Variants in TYW1B observed in about 807,000 individuals in gnomAD.
TYW1B encodes S-adenosyl-L-methionine-dependent tRNA 4-demethylwyosine synthase TYW1B.
Under a neutral mutation model 86.9 loss-of-function variants are expected in TYW1B, and 73 were observed. The ratio of observed to expected loss-of-function variants is 0.84; its 90% CI spans 0.70 to 1.02. TYW1B has a LOEUF of 1.02. TYW1B is among the 50% of genes least tolerant of loss of function. The pLI is 0.00. For synonymous variants in TYW1B, 248 were observed against 292.8 expected (o/e 0.85, Z 1.56); for missense variants, 637 against 827.4 (o/e 0.77, Z 2.82).
At chr7:72,716,110 T>G (rs1302397930) in intron 9 of TYW1B, among the ~76,000 whole-genome samples, 5 of 152,156 alleles carry the variant, frequency 3.3e-5, no homozygotes, top group African/African-American at 1.2e-4. Flanking sequence ...GCTAATTTTT[T>G]GTATTTTTAG....
intron 12 of TYW1B, among the ~76,000 whole-genome samples, chr7:72,624,642 T>A (rs1554438476): frequency 6.6e-6 from 1 of 152,216 alleles, no homozygotes; most frequent in Non-Finnish European, 1.5e-5. Flanking sequence ...TGACCAGGCA[T>A]TTGACATTCA....
At position 72,777,439 on chromosome 7, in the gene TYW1B, A is replaced by T; in HGVS notation, c.941T>A (p.Leu314His). 2 of 1,614,052 alleles carry T rather than the reference A, an allele frequency of 1.2e-6. No individual in the cohort carries two copies. The highest frequency in any genetic ancestry group is 1.7e-6 in the Non-Finnish European group (2 of 1,179,950). The change falls in exon 7 of 14, where the codon CTC (leucine) becomes CAC (histidine). Residue 314 changes from leucine to histidine, a missense_variant. Coordinates refer to ENST00000620995, the MANE Select transcript of TYW1B (RefSeq NM_001145440.3). Reference protein sequence around the residue: ...GERRAMITPALREALTKQVDA... With the variant: ...GERRAMITPAHREALTKQVDA... ...ACCTTGTTTAGTAAGGGCTTCTCGG[A>T]GAGCAGGAGTTATCATAGCTCTTCT...
At chr7:72,655,374 T>C (rs1339659391) in intron 11 of TYW1B, among the ~76,000 whole-genome samples, 23 of 152,018 alleles carry the variant, frequency 1.5e-4, no homozygotes, top group Non-Finnish European at 2.5e-4. Flanking sequence ...TCACACTGGG[T>C]CCCACTCACA....
At chr7:72,757,085 C>G (rs1277543958) in intron 7 of TYW1B, among the ~76,000 whole-genome samples, 5 of 151,726 alleles carry the variant, frequency 3.3e-5, no homozygotes, top group African/African-American at 1.2e-4. Flanking sequence ...ATAACAATGT[C>G]GGCCAGGCAT....
At chr7:72,593,977 A>G (rs1811467628) in intron 13 of TYW1B, among the ~76,000 whole-genome samples, 1 of 151,990 alleles carries the variant, frequency 6.6e-6, no homozygotes, top group South Asian at 2.1e-4. Context: ...ACTAATGAAA[A>G]TGAAACCACC....
At chr7:72,666,068 C>T (rs1250153500) in intron 11 of TYW1B, among the ~76,000 whole-genome samples, 2 of 152,030 alleles carry the variant, frequency 1.3e-5, no homozygotes, top group African/African-American at 2.4e-5. Context: ...ATGATTATAA[C>T]TATGAACCCC....
At chr7:72,808,934 G>A (rs1292542104) in intron 4 of TYW1B, among the ~76,000 whole-genome samples, 1 of 151,940 alleles carries the variant, frequency 6.6e-6, no homozygotes, top group African/African-American at 2.4e-5. Context: ...CAATGCAAAT[G>A]ACCAAGAAAC....
intron 11 of TYW1B, among the ~76,000 whole-genome samples, chr7:72,671,345 G>A (rs1485038833): frequency 2.6e-5 from 4 of 152,134 alleles, no homozygotes; most frequent in African/African-American, 9.7e-5. Flanking sequence ...CCAATTCAAT[G>A]TGTGGTTGAA....
At chr7:72,665,691 A>G (rs1813445401) in intron 11 of TYW1B, among the ~76,000 whole-genome samples, 1 of 152,216 alleles carries the variant, frequency 6.6e-6, no homozygotes, top group South Asian at 2.1e-4. Context: ...CATTGTGTTC[A>G]GTGGCAGTAG....
chr7:72,678,897 G>T (rs1813803791), intron 11 of TYW1B, among the ~76,000 whole-genome samples: 1 of 151,796 alleles, frequency 6.6e-6, no homozygotes, highest in East Asian at 1.9e-4. Flanking sequence ...AGGAGTTTAA[G>T]ACAAGCTGGG....
chr7:72,706,659 C>T (rs1814623717), intron 10 of TYW1B, among the ~76,000 whole-genome samples: 1 of 152,060 alleles, frequency 6.6e-6, no homozygotes, highest in Non-Finnish European at 1.5e-5. Flanking sequence ...CGTGCAATTC[C>T]TCTGACAAAT....
chr7:72,704,321 A>C (rs1389972784), intron 10 of TYW1B, among the ~76,000 whole-genome samples: 3 of 151,418 alleles, frequency 2.0e-5, no homozygotes, highest in Non-Finnish European at 2.9e-5. Context: ...GTAATCCCAG[A>C]TACTCGGGAG....
At chr7:72,741,894 A>G (rs1341694085) in intron 8 of TYW1B, among the ~76,000 whole-genome samples, 3 of 152,186 alleles carry the variant, frequency 2.0e-5, no homozygotes, top group African/African-American at 7.2e-5. Flanking sequence ...TAGCAAAACA[A>G]TTCTTCAAAA....
intron 8 of TYW1B, among the ~76,000 whole-genome samples, chr7:72,734,268 A>AAAAAAAAAAAAAACAC (rs56806378): frequency 2.0e-5 from 2 of 98,158 alleles, no homozygotes; most frequent in Admixed American, 2.3e-4. Context: ...AAAAAAAAAA[A>AAAAAAAAAAAAAACAC]ACACAACAAA....
At chr7:72,783,889 C>T (rs1554472026) in intron 6 of TYW1B, among the ~76,000 whole-genome samples, 1 of 152,160 alleles carries the variant, frequency 6.6e-6, no homozygotes, top group Non-Finnish European at 1.5e-5. Context: ...GAAGTAAACA[C>T]TCCAAAGCCT....
intron 10 of TYW1B, among the ~76,000 whole-genome samples, chr7:72,704,342 G>A (rs782348704): frequency 6.0e-5 from 9 of 150,468 alleles, no homozygotes; most frequent in South Asian, 2.1e-4. Context: ...GCTGAGGCAC[G>A]AGAATTGCTT....
At chr7:72,737,069 C>T (rs1257610606) in intron 8 of TYW1B, among the ~76,000 whole-genome samples, 4 of 152,186 alleles carry the variant, frequency 2.6e-5, no homozygotes, top group Admixed American at 6.5e-5. Context: ...CAGAACCTCA[C>T]TCAAGCAATT....
At chr7:72,669,996 T>C (rs1295731490) in intron 11 of TYW1B, among the ~76,000 whole-genome samples, 1 of 151,902 alleles carries the variant, frequency 6.6e-6, no homozygotes, top group Non-Finnish European at 1.5e-5. Flanking sequence ...CTGGCTGTGG[T>C]GGCACATGCC....
At chr7:72,737,956 AG>A (rs1554461285) in intron 8 of TYW1B, among the ~76,000 whole-genome samples, 1 of 148,716 alleles carries the variant, frequency 6.7e-6, no homozygotes, top group East Asian at 2.0e-4. Flanking sequence ...TTCTATTTTT[AG>A]TGGAGACGGA....
Sources: allele counts gnomAD v4.1 joint callset (sites outside exome capture counted in the v4.1 genomes callset), GRCh38; gene constraint gnomAD v4.1.1; transcripts MANE v1.5; gene names NCBI Gene and HGNC (gene_info 2026-07-23, HGNC 2026-07-21).